The following GCNT2 variants were observed in gnomAD, a reference collection of about 807,000 sequenced individuals.
GCNT2 encodes the protein N-acetyllactosaminide beta-1,6-N-acetylglucosaminyl-transferase.
In GCNT2, 34 loss-of-function variants were observed where a neutral mutation model predicts 34.2. The observed-to-expected ratio is 1.00, with a 90% CI of 0.76 to 1.32. The LOEUF is 1.32. Among genes scored for constraint, GCNT2 ranks in the 40% most tolerant of loss-of-function variants. The pLI is 0.00. For missense variants in GCNT2, 584 were observed against 489.4 expected (o/e 1.19, Z -1.82); for synonymous variants, 212 against 188.0 (o/e 1.13, Z -1.04).
intron 3 of GCNT2, among the ~76,000 whole-genome samples, chr6:10,592,022 A>G (rs1022097947): frequency 3.9e-5 from 6 of 152,160 alleles, no homozygotes; most frequent in African/African-American, 1.4e-4. Flanking sequence ...GGATTCATTC[A>G]CTCATGCTGA....
chr6:10,542,217 G>A (rs547886177), intron 3 of GCNT2, among the ~76,000 whole-genome samples: 1 of 152,138 alleles, frequency 6.6e-6, no homozygotes, highest in Admixed American at 6.5e-5. Context: ...AGTTACAGCT[G>A]TTTCCTGCCC....
rs57538079 is a variant in GCNT2 at position 10,585,032 on chromosome 6, AGTGTGTGTGTGT to A, written c.926-36283_926-36272del. ...TTCTTTGTTCCCTCTTCCCATAGTC[AGTGTGTGTGTGT>A]GTGTGTGTGTGTGTGTGTGTGTGTG... is the stretch of plus-strand genomic sequence containing the variant. On this transcript the variant is annotated intron_variant, in intron 3 of 4. Transcript: ENST00000495262. Among the ~76,000 whole-genome samples, 851 of 127,524 alleles carry A rather than the reference AGTGTGTGTGTGT, an allele frequency of 6.7e-3. 10 individuals carry two copies. The highest frequency in any genetic ancestry group is 0.024 in the African/African-American group (763 of 31,536). 83.7% of individuals were successfully genotyped at this position (127,524 alleles called of 152,430 possible).
intron 3 of GCNT2, chr6:10,586,593 G>C: frequency 3.1e-6 from 5 of 1,614,146 alleles, no homozygotes; most frequent in Non-Finnish European, 4.2e-6. Flanking sequence ...AACCAACCGG[G>C]AGATAGTTCA....
intron 3 of GCNT2, among the ~76,000 whole-genome samples, chr6:10,545,368 TCCACATCAAG>T (rs772446962): frequency 7.9e-5 from 12 of 152,154 alleles, no homozygotes; most frequent in Admixed American, 1.3e-4. Flanking sequence ...TTTGTTTAAA[TCCACATCAAG>T]CCAGCTCAAA....
At position 10,537,697 on chromosome 6, in the gene GCNT2, GC is replaced by G. The variant is rs1193714026; in HGVS notation, c.925+7862del. On this transcript the variant is annotated intron_variant, in intron 3 of 4. Coordinates refer to ENST00000495262, the MANE Select transcript of GCNT2 (RefSeq NM_145649.5). Reference sequence around the variant, plus strand: ...ACCTGGGCAAGAGGGAGATTCTGCCGCAAAAAAAAAAAAAAAAAAAAAAAAA... The same window carrying G: ...ACCTGGGCAAGAGGGAGATTCTGCCGAAAAAAAAAAAAAAAAAAAAAAAAA... Among the ~76,000 whole-genome samples the G allele has an allele frequency of 1.6e-4, 6 of 38,158 alleles. No individual in the cohort carries two copies. In the East Asian group the frequency reaches 4.2e-3, roughly 27 times the overall value. 25.0% of individuals were successfully genotyped at this position (38,158 alleles called of 152,430 possible).
chr6:10,616,994 T>TA (rs1765797526), intron 3 of GCNT2, among the ~76,000 whole-genome samples: 1 of 147,636 alleles, frequency 6.8e-6, no homozygotes. Flanking sequence ...CAGCTGGCTT[T>TA]ACCCAGTGGA....
In GCNT2 at chr6:10,528,548, C is replaced by T. The variant is rs1761310641; in HGVS notation, c.-281-83C>T. ...GAGCCGATGACTTGCAGAATGGTCA[C>T]CTCACCCACTTGTAATTTCATGGTG... is the stretch of plus-strand genomic sequence containing the variant. On this transcript the variant is annotated intron_variant, in intron 2 of 4. Transcript: ENST00000495262. The T allele has an allele frequency of 1.4e-5, 5 of 346,702 alleles. No individual in the cohort carries two copies. In the Admixed American group the frequency reaches 1.7e-4, roughly 12 times the overall value. 21.5% of individuals were successfully genotyped at this position (346,702 alleles called of 1,614,324 possible).
At chr6:10,548,728 CATT>C (rs934193973) in intron 3 of GCNT2, among the ~76,000 whole-genome samples, 4 of 151,220 alleles carry the variant, frequency 2.6e-5, no homozygotes, top group East Asian at 3.9e-4. Context: ...CATTCATTCT[CATT>C]GTTGCATAGA....
intron 3 of GCNT2, among the ~76,000 whole-genome samples, chr6:10,615,709 CAG>C (rs1561838839): frequency 8.7e-6 from 1 of 114,424 alleles, no homozygotes; most frequent in Non-Finnish European, 1.7e-5. Context: ...ACTCCATAGA[CAG>C]AGCAACCCCG....
In GCNT2 at chr6:10,529,799, C is replaced by G. The variant is rs367912474; in HGVS notation, c.888C>G (p.Pro296=). Residue 296 remains proline (P), a synonymous_variant, in exon 3 of 5, where the codon CCC becomes CCG. Coordinates refer to ENST00000495262, the MANE Select transcript of GCNT2 (RefSeq NM_145649.5). ...LLSWSKDTYS[P]DEHFWVTLNR... is the part of the protein sequence containing the mutation. Reference sequence around the variant, plus strand: ...CCTGGTCCAAGGACACCTACAGCCCCGACGAACATTTCTGGGTGACACTCA... The same window carrying G: ...CCTGGTCCAAGGACACCTACAGCCCGGACGAACATTTCTGGGTGACACTCA... The G allele has an allele frequency of 2.7e-5, 44 of 1,613,948 alleles. No homozygotes were observed. Among genetic ancestry groups the G allele is most frequent in the Non-Finnish European group, 3.6e-5 (42 of 1,179,964 alleles).
chr6:10,617,689 C>G (rs1765842871), intron 3 of GCNT2, among the ~76,000 whole-genome samples: 1 of 151,982 alleles, frequency 6.6e-6, no homozygotes, highest in East Asian at 1.9e-4. Context: ...ACACCTCAGC[C>G]TCCCAAAGTG....
At chr6:10,562,055 C>T (rs1005088883) in intron 3 of GCNT2, among the ~76,000 whole-genome samples, 4 of 152,136 alleles carry the variant, frequency 2.6e-5, no homozygotes, top group East Asian at 1.9e-4. Flanking sequence ...CAGAAGTTAC[C>T]GGGTCACACA....
At chr6:10,541,387 C>T (rs527719494) in intron 3 of GCNT2, among the ~76,000 whole-genome samples, 60 of 152,210 alleles carry the variant, frequency 3.9e-4, no homozygotes, top group African/African-American at 9.4e-4. Flanking sequence ...CGTATATATA[C>T]GACATTTTCT....
chr6:10,549,327 T>C, intron 3 of GCNT2, among the ~76,000 whole-genome samples: 1 of 152,176 alleles, frequency 6.6e-6, no homozygotes, highest in Non-Finnish European at 1.5e-5. Context: ...AATCTTGACT[T>C]AGATATCTTT....
intron 3 of GCNT2, among the ~76,000 whole-genome samples, chr6:10,554,550 CTG>C (rs1193140145): frequency 6.6e-6 from 1 of 152,122 alleles, no homozygotes; most frequent in Non-Finnish European, 1.5e-5. Context: ...CTTTGTCAAA[CTG>C]TAACTATTTT....
chr6:10,540,235 G>T (rs1012821823), intron 3 of GCNT2, among the ~76,000 whole-genome samples: 2 of 152,156 alleles, frequency 1.3e-5, no homozygotes, highest in African/African-American at 2.4e-5. Flanking sequence ...CCTGTCTGTA[G>T]TCTTGTACCA....
chr6:10,583,502 C>A (rs1300691533), intron 3 of GCNT2, among the ~76,000 whole-genome samples: 1 of 152,146 alleles, frequency 6.6e-6, no homozygotes, highest in Non-Finnish European at 1.5e-5. Context: ...TCCTTACCGT[C>A]CGCATCAATC....
At chr6:10,547,862 T>C (rs1762332608) in intron 3 of GCNT2, among the ~76,000 whole-genome samples, 1 of 152,220 alleles carries the variant, frequency 6.6e-6, no homozygotes, top group Non-Finnish European at 1.5e-5. Flanking sequence ...CTTAGATTTA[T>C]ATTTATTCAA....
chr6:10,596,512 C>A (rs1764859241), intron 3 of GCNT2, among the ~76,000 whole-genome samples: 1 of 149,250 alleles, frequency 6.7e-6, no homozygotes, highest in Non-Finnish European at 1.5e-5. Flanking sequence ...GAGAGTGAGA[C>A]TCCATCTCAA....
Sources: gnomAD v4.1 joint callset for allele counts (sites outside exome capture counted in the v4.1 genomes callset) on GRCh38, gnomAD v4.1.1 for gene constraint, MANE v1.5 for transcripts, NCBI Gene and HGNC (gene_info 2026-07-23, HGNC 2026-07-21) for gene names.